The following KCNJ5 variants were observed in gnomAD, a reference collection of about 807,000 sequenced individuals.
The protein encoded by KCNJ5 is G protein-activated inward rectifier potassium channel 4.
KCNJ5 carries 12 observed loss-of-function variants against 20.2 expected under a neutral mutation model. That is an observed-to-expected ratio of 0.59 (90% CI 0.38 to 0.96). KCNJ5 has a LOEUF of 0.96. Among genes scored for constraint, KCNJ5 ranks in the 40% least tolerant of loss-of-function variants. The probability of loss-of-function intolerance (pLI) is 0.00; values close to 1 mark genes in which losing one functional copy is unlikely to be tolerated. For missense variants in KCNJ5, 449 were observed against 557.6 expected, an observed-to-expected ratio of 0.81 and a Z score of 1.96; for synonymous variants, 210 against 213.9, an observed-to-expected ratio of 0.98 and a Z score of 0.16.
intron 1 of KCNJ5, among the ~76,000 whole-genome samples, chr11:128,906,271 G>A (rs560055989): frequency 1.4e-4 from 22 of 152,332 alleles, no homozygotes; most frequent in African/African-American, 5.1e-4. Context: ...GGCAAAATAG[G>A]AACCTAGGTC....
intron 1 of KCNJ5, among the ~76,000 whole-genome samples, chr11:128,908,887 C>G (rs976878590): frequency 2.6e-5 from 4 of 152,204 alleles, no homozygotes; most frequent in African/African-American, 9.7e-5. Flanking sequence ...TTTCCATCAT[C>G]TCTGAGCATC....
chr11:128,894,426 T>C (rs1184895918), intron 1 of KCNJ5, among the ~76,000 whole-genome samples: 1 of 152,168 alleles, frequency 6.6e-6, no homozygotes, highest in African/African-American at 2.4e-5. Flanking sequence ...AAAGGGGCCA[T>C]TTTTGGATGA....
Position 128,911,565 on chromosome 11 carries a change from A to G in KCNJ5, c.292A>G (p.Thr98Ala). ...FNLLVFTMVY[T>A]VTWLFFGFIW... ...CTTGCTCGTCTTCACCATGGTTTAC[A>G]CTGTCACCTGGCTGTTCTTCGGCTT... is the stretch of plus-strand genomic sequence containing the variant. The change falls in exon 2 of 3, where the codon ACT becomes GCT. Residue 98 changes from threonine (T) to alanine (A), a missense_variant. Coordinates refer to ENST00000529694, the MANE Select transcript of KCNJ5 (RefSeq NM_000890.5). This position sits in a 1 kb window ranked among gnomAD's most constrained non-coding sequence, Gnocchi z 6.3. 1 of 1,614,192 alleles carries G rather than the reference A, an allele frequency of 6.2e-7. No homozygotes were observed. The highest frequency in any genetic ancestry group is 1.1e-5 in the South Asian group (1 of 91,080).
Position 128,916,765 on chromosome 11 carries a change from G to A in KCNJ5, c.*34G>A, listed in dbSNP as rs116494206. The A allele has an allele frequency of 2.7e-6, 4 of 1,481,062 alleles. No homozygotes were observed. The highest frequency in any genetic ancestry group is 3.7e-6 in the Non-Finnish European group (4 of 1,082,430). The allele number at this position is 1,481,062 out of a possible 1,614,324, so 91.7% of individuals were successfully genotyped here. On this transcript the variant is annotated 3_prime_UTR_variant, in exon 3 of 3. Coordinates refer to ENST00000529694, the MANE Select transcript of KCNJ5 (RefSeq NM_000890.5). ...GCCTCCCTAAGACCTCCTGTCACTG[G>A]CTTCAGTGAACACAGACACTGCAGA...
Position 128,902,646 on chromosome 11 carries a change from TCTC to T in KCNJ5, c.-10-8614_-10-8612del, listed in dbSNP as rs757725919. The stretch of plus-strand genomic sequence containing the variant: ...CTATCATGGGCCTTGCAGATTGAGT[TCTC>T]CTCTTCCTGCCGGGCCGCCTGCCTT... On this transcript the variant is annotated intron_variant, in intron 1 of 2. Transcript: ENST00000529694. The T allele has an allele frequency of 2.5e-5, 41 of 1,613,848 alleles. No homozygotes were observed. In the Admixed American group the frequency reaches 6.3e-4, roughly 25 times the overall value.
At chr11:128,912,932 G>A (rs1439265615) in intron 2 of KCNJ5, among the ~76,000 whole-genome samples, 3 of 152,364 alleles carry the variant, frequency 2.0e-5, no homozygotes, top group East Asian at 3.9e-4. Context: ...GGACCCCAGA[G>A]CCAGCACTTG....
chr11:128,894,849 G>C (rs532192022), intron 1 of KCNJ5, among the ~76,000 whole-genome samples: 3 of 152,348 alleles, frequency 2.0e-5, no homozygotes, highest in Admixed American at 6.5e-5. Context: ...ACAGGGCCCA[G>C]GATGGCGGGA....
In KCNJ5 at chr11:128,918,493, G is replaced by A. The variant is rs951728501; in HGVS notation, c.*1762G>A. On this transcript the variant is annotated 3_prime_UTR_variant, in exon 3 of 3. Coordinates refer to ENST00000529694, the MANE Select transcript of KCNJ5 (RefSeq NM_000890.5). ...GGTTAGCTGGCCTGACATGGAGATA[G>A]AGTGCCAATGTTCCCAGGCCACAGA... 1.3e-5 allele frequency: 2 copies of A among 152,310 alleles called. No homozygotes were observed. Among genetic ancestry groups the A allele is most frequent in the African/African-American group, 2.4e-5 (1 of 41,470 alleles). The allele number at this position is 152,310 out of a possible 1,614,324, so 9.4% of individuals were successfully genotyped here. A position where few individuals can be genotyped will look rare whatever the true frequency, so the allele number is the denominator to read the frequency against.
chr11:128,910,241 G>C (rs1206110240), intron 1 of KCNJ5, among the ~76,000 whole-genome samples: 1 of 152,168 alleles, frequency 6.6e-6, no homozygotes, highest in Admixed American at 6.5e-5. Context: ...TCAGACACCT[G>C]TATTGCAGGT....
At position 128,916,856 on chromosome 11, in the gene KCNJ5, T is replaced by C. The variant is rs1027603905; in HGVS notation, c.*125T>C. 2 of 764,464 alleles carry C rather than the reference T, an allele frequency of 2.6e-6. No homozygotes were observed. The highest frequency in any genetic ancestry group is 4.2e-6 in the Non-Finnish European group (2 of 475,746). 47.4% of individuals were successfully genotyped at this position (764,464 alleles called of 1,614,324 possible). A position where few individuals can be genotyped will look rare whatever the true frequency, so the allele number is the denominator to read the frequency against. Reference sequence around the variant, plus strand: ...GGGGGCTCAGGAGCCATCAAGGCTGTGGGGAGGAACCATAAACCCAGCCCT... The same window carrying C: ...GGGGGCTCAGGAGCCATCAAGGCTGCGGGGAGGAACCATAAACCCAGCCCT... On this transcript the variant is annotated 3_prime_UTR_variant, in exon 3 of 3. Coordinates refer to ENST00000529694, the MANE Select transcript of KCNJ5 (RefSeq NM_000890.5).
Position 128,915,655 on chromosome 11 carries a change from C to T in KCNJ5, c.938-754C>T, listed in dbSNP as rs114166228. On this transcript the variant is annotated intron_variant, in intron 2 of 2. Transcript: ENST00000529694. ...GATTTCTAATTTTCTGCCACCACTA[C>T]GCCTTGAACTCCTCCAGGGCAAGGA... 1.6e-3 allele frequency among the ~76,000 whole-genome samples: 245 copies of T among 152,358 alleles called. 1 individual carries two copies. The highest frequency in any genetic ancestry group is 5.7e-3 in the African/African-American group (235 of 41,584).
intron 1 of KCNJ5, chr11:128,902,021 A>C (rs1315727815): frequency 6.1e-6 from 1 of 164,066 alleles, no homozygotes; most frequent in East Asian, 1.8e-4. Flanking sequence ...GCCCCCACGC[A>C]CAGCCACCGG....
Position 128,920,327 on chromosome 11 carries a change from T to G in KCNJ5, c.*3596T>G, listed in dbSNP as rs927142103. ...CTGCTTTGAGGTTGAGGTCCTGGCT[T>G]GAGCAGTTACCTTGCTGGAGAAGAG... On this transcript the variant is annotated 3_prime_UTR_variant, in exon 3 of 3. Coordinates refer to ENST00000529694, the MANE Select transcript of KCNJ5 (RefSeq NM_000890.5). 6.6e-6 allele frequency: 1 copy of G among 152,540 alleles called. No individual in the cohort carries two copies. The highest frequency in any genetic ancestry group is 2.4e-5 in the African/African-American group (1 of 41,456). 9.4% of individuals were successfully genotyped at this position (152,540 alleles called of 1,614,324 possible). A position where few individuals can be genotyped will look rare whatever the true frequency, so the allele number is the denominator to read the frequency against.
intron 1 of KCNJ5, chr11:128,905,400 T>G (rs949545309): frequency 2.0e-5 from 3 of 152,226 alleles, no homozygotes; most frequent in African/African-American, 7.2e-5. Context: ...GTGAGGGGTC[T>G]CCCCTGTGTC....
chr11:128,893,064 C>T (rs971834784), intron 1 of KCNJ5, among the ~76,000 whole-genome samples: 1 of 152,244 alleles, frequency 6.6e-6, no homozygotes, highest in African/African-American at 2.4e-5. Flanking sequence ...GTGTAAATTG[C>T]ATCATCTGGC....
chr11:128,915,945 A>G (rs1944570958), intron 2 of KCNJ5, among the ~76,000 whole-genome samples: 1 of 149,410 alleles, frequency 6.7e-6, no homozygotes, highest in African/African-American at 2.5e-5. Context: ...TTGGGTGGAT[A>G]GATAGATGAT....
chr11:128,904,322 G>A, intron 1 of KCNJ5: 1 of 1,479,854 alleles, frequency 6.8e-7, no homozygotes, highest in Non-Finnish European at 9.2e-7. Context: ...CTGCACCCTG[G>A]CCTCTCTCTC....
chr11:128,915,187 T>A (rs1944559046), intron 2 of KCNJ5, among the ~76,000 whole-genome samples: 1 of 152,208 alleles, frequency 6.6e-6, no homozygotes, highest in South Asian at 2.1e-4. Flanking sequence ...GAAAGCTGCT[T>A]TCCTGTGACC....
At chr11:128,914,740 C>A (rs1484032333) in intron 2 of KCNJ5, among the ~76,000 whole-genome samples, 1 of 152,170 alleles carries the variant, frequency 6.6e-6, no homozygotes, top group Non-Finnish European at 1.5e-5. Flanking sequence ...GAATCCTTTC[C>A]AAACGTATTG....
Sources: gnomAD v4.1 joint callset for allele counts (sites outside exome capture counted in the v4.1 genomes callset) on GRCh38, gnomAD v4.1.1 for gene constraint, Gnocchi (gnomAD v3.1) non-coding constraint, MANE v1.5 for transcripts, NCBI Gene and HGNC (gene_info 2026-07-23, HGNC 2026-07-21) for gene names.